The following RBMS1 variants were observed in gnomAD, a reference collection of about 807,000 sequenced individuals.
The protein encoded by RBMS1 is RNA binding motif single stranded interacting protein 1.
RBMS1 carries 17 observed loss-of-function variants against 62.3 expected under a neutral mutation model. The observed-to-expected ratio is 0.27, with a 90% confidence interval of 0.19 to 0.41. RBMS1 has a LOEUF of 0.41. RBMS1 is among the 10% of genes least tolerant of loss of function. The pLI, the probability that RBMS1 is intolerant of heterozygous loss-of-function variation, is 1.00. For missense variants in RBMS1, 334 were observed against 504.5 expected, an observed-to-expected ratio of 0.66 and a Z score of 3.24; for synonymous variants, 172 against 170.0, an observed-to-expected ratio of 1.01 and a Z score of -0.09.
chr2:160,445,233 T>C (rs960561566), intron 1 of RBMS1, among the ~76,000 whole-genome samples: 7 of 152,218 alleles, frequency 4.6e-5, no homozygotes, highest in Admixed American at 3.9e-4. Context: ...AATATTCACA[T>C]CAATACATGC....
At chr2:160,297,025 C>G (rs1303566416) in intron 6 of RBMS1, among the ~76,000 whole-genome samples, 1 of 152,174 alleles carries the variant, frequency 6.6e-6, no homozygotes, top group Non-Finnish European at 1.5e-5. Flanking sequence ...GTACCCAACA[C>G]TAAGTGAAAC....
At chr2:160,401,664 GAAAGA>G (rs1171352837) in intron 1 of RBMS1, among the ~76,000 whole-genome samples, 1 of 152,112 alleles carries the variant, frequency 6.6e-6, no homozygotes, top group African/African-American at 2.4e-5. Flanking sequence ...CAAGACAAAG[GAAAGA>G]ATTCAGGAAA....
At chr2:160,404,913 T>C (rs550104462) in intron 1 of RBMS1, among the ~76,000 whole-genome samples, 1 of 152,318 alleles carries the variant, frequency 6.6e-6, no homozygotes, top group Non-Finnish European at 1.5e-5. Flanking sequence ...TATTGAGCAG[T>C]ACATGTAGGC....
intron 2 of RBMS1, among the ~76,000 whole-genome samples, chr2:160,353,044 T>C (rs75718611): frequency 0.011 from 1,646 of 152,246 alleles, 39 homozygotes; most frequent in African/African-American, 0.035. Context: ...GCATAAGGAT[T>C]TTCCAAATGT....
intron 4 of RBMS1, among the ~76,000 whole-genome samples, chr2:160,311,210 A>AACTCTCTCTCTCTCTCTCTCTC (rs1407068145): frequency 1.8e-5 from 1 of 56,612 alleles, no homozygotes; most frequent in Non-Finnish European, 3.7e-5. Flanking sequence ...AAAAAAAAAA[A>AACTCTCTCTCTCTCTCTCTCTC]TCTATCTATC....
intron 1 of RBMS1, among the ~76,000 whole-genome samples, chr2:160,451,777 T>C (rs1684004171): frequency 6.6e-6 from 1 of 152,032 alleles, no homozygotes; most frequent in Non-Finnish European, 1.5e-5. Flanking sequence ...CCCGGCTAAA[T>C]TTTGTATTTT....
chr2:160,390,688 CA>C (rs34478081), intron 1 of RBMS1, among the ~76,000 whole-genome samples: 1,818 of 60,602 alleles, frequency 0.03, 22 homozygotes, highest in African/African-American at 0.098. Flanking sequence ...GACCCAGTCT[CA>C]AAAAAAAAAA....
At chr2:160,486,896 T>C (rs1345271485) in intron 1 of RBMS1, among the ~76,000 whole-genome samples, 1 of 152,164 alleles carries the variant, frequency 6.6e-6, no homozygotes, top group African/African-American at 2.4e-5. Context: ...ATAAACATCA[T>C]TCCAAATGGC....
intron 1 of RBMS1, among the ~76,000 whole-genome samples, chr2:160,484,886 T>A (rs913528449): frequency 3.0e-5 from 4 of 131,270 alleles, no homozygotes; most frequent in Non-Finnish European, 5.0e-5. Flanking sequence ...AAAAAAAAAA[T>A]TTACGAAGCA....
chr2:160,318,498 T>C (rs928588296), intron 2 of RBMS1, among the ~76,000 whole-genome samples: 5 of 152,206 alleles, frequency 3.3e-5, no homozygotes, highest in Non-Finnish European at 7.3e-5. Flanking sequence ...CCTGACAATC[T>C]TAGGACAGAA....
intron 1 of RBMS1, among the ~76,000 whole-genome samples, chr2:160,462,673 A>G (rs1292195186): frequency 2.0e-5 from 3 of 152,152 alleles, no homozygotes; most frequent in Non-Finnish European, 1.5e-5. Flanking sequence ...CAATAGCGCA[A>G]TCTCGGCTCA....
At chr2:160,334,798 G>GGTGATTTAAATACA (rs1691477092) in intron 2 of RBMS1, among the ~76,000 whole-genome samples, 1 of 152,122 alleles carries the variant, frequency 6.6e-6, no homozygotes, top group Admixed American at 6.6e-5. Context: ...TCCAGGCTAA[G>GGTGATTTAAATACA]TTTAAATCAC....
In RBMS1 at chr2:160,274,110, T is replaced by C. The variant is rs543008532; in HGVS notation, c.*662A>G. 1 of 152,628 alleles carries C rather than the reference T, an allele frequency of 6.6e-6. No individual in the cohort carries two copies. Among genetic ancestry groups the C allele is most frequent in the Non-Finnish European group, 1.5e-5 (1 of 68,042 alleles). 9.5% of individuals were successfully genotyped at this position (152,628 alleles called of 1,614,324 possible). A position where few individuals can be genotyped will look rare whatever the true frequency, so the allele number is the denominator to read the frequency against. ...GCTCATTTGGTCAAAGCATTCTACATCATTAGTTTGAACTAACTTTTACTG... is the reference window on the plus strand; with the variant it reads ...GCTCATTTGGTCAAAGCATTCTACACCATTAGTTTGAACTAACTTTTACTG... On this transcript the variant is annotated 3_prime_UTR_variant, in exon 14 of 14. Coordinates refer to ENST00000348849, the MANE Select transcript of RBMS1 (RefSeq NM_016836.4).
chr2:160,426,830 A>G (rs1682651338), intron 1 of RBMS1, among the ~76,000 whole-genome samples: 1 of 150,764 alleles, frequency 6.6e-6, no homozygotes, highest in Admixed American at 6.6e-5. Flanking sequence ...TTAGTATCTC[A>G]CTGCTGGAGG....
intron 1 of RBMS1, among the ~76,000 whole-genome samples, chr2:160,432,736 G>A (rs930980838): frequency 8.5e-5 from 13 of 152,124 alleles, no homozygotes; most frequent in African/African-American, 2.9e-4. Flanking sequence ...TAAAGGTCAC[G>A]CAGGCCACCT....
intron 9 of RBMS1, chr2:160,283,779 G>C (rs2105933843): frequency 6.6e-6 from 1 of 152,176 alleles, no homozygotes; most frequent in African/African-American, 2.4e-5. Context: ...CCTTGGCTGG[G>C]CTCTTTATAC....
At chr2:160,415,541 C>A (rs1696178877) in intron 1 of RBMS1, among the ~76,000 whole-genome samples, 1 of 151,890 alleles carries the variant, frequency 6.6e-6, no homozygotes, top group South Asian at 2.1e-4. Context: ...TCGTGGGAAA[C>A]AAAATTAATT....
chr2:160,355,290 G>A (rs1293956782), intron 2 of RBMS1, among the ~76,000 whole-genome samples: 3 of 152,028 alleles, frequency 2.0e-5, no homozygotes, highest in Non-Finnish European at 4.4e-5. Context: ...CTTCTGCACT[G>A]AAGATTCAAC....
At position 160,493,724 on chromosome 2, in the gene RBMS1, G is replaced by C. The variant is rs1017950759; in HGVS notation, c.-361C>G. The C allele has an allele frequency of 1.9e-5, 7 of 359,512 alleles. No homozygotes were observed. Among genetic ancestry groups the C allele is most frequent in the Non-Finnish European group, 1.6e-5 (3 of 193,392 alleles). The allele number at this position is 359,512 out of a possible 1,614,324, so 22.3% of individuals were successfully genotyped here. ...CGCGCTGGCCGCGGTCCGCTCGGGC[G>C]AGCCGGCTGCGCGGGGCTGAGAGGT... On this transcript the variant is annotated 5_prime_UTR_variant, in exon 1 of 14. Transcript: ENST00000348849.
Sources: allele counts gnomAD v4.1 joint callset (sites outside exome capture counted in the v4.1 genomes callset), GRCh38; gene constraint gnomAD v4.1.1; transcripts MANE v1.5; gene names NCBI Gene and HGNC (gene_info 2026-07-23, HGNC 2026-07-21).